TCF20: variants seen among roughly 807,000 people sequenced by gnomAD.
TCF20 encodes SPRE-binding protein.
In TCF20, 3 loss-of-function variants were observed where a neutral mutation model predicts 148.6. The observed-to-expected ratio is 0.02, with a 90% CI of 0.01 to 0.05. The LOEUF (loss-of-function observed/expected upper bound fraction) is 0.05. Among genes scored for constraint, TCF20 ranks in the 10% least tolerant of loss-of-function variants. TCF20 has a pLI of 1.00. For missense variants in TCF20, 2,350 were observed against 2,429.3 expected, an observed-to-expected ratio of 0.97 and a Z score of 0.69; for synonymous variants, 1,049 against 909.5, an observed-to-expected ratio of 1.15 and a Z score of -2.76.
intron 2 of TCF20, among the ~76,000 whole-genome samples, chr22:42,184,842 G>A (rs1368001002): frequency 6.6e-6 from 1 of 152,176 alleles, no homozygotes; most frequent in Non-Finnish European, 1.5e-5. Flanking sequence ...CTAAACTTGG[G>A]AAATAAATTA....
At chr22:42,207,222 G>A (rs1193331923) in intron 2 of TCF20, among the ~76,000 whole-genome samples, 10 of 152,004 alleles carry the variant, frequency 6.6e-5, no homozygotes, top group Non-Finnish European at 1.2e-4. Flanking sequence ...GTCAAAGTCC[G>A]CGCACTGAAT....
At chr22:42,163,254 C>T (rs1161776044) in intron 5 of TCF20, among the ~76,000 whole-genome samples, 2 of 152,210 alleles carry the variant, frequency 1.3e-5, no homozygotes, top group East Asian at 3.9e-4. Context: ...CCAGTTGGCT[C>T]TGCGAGCTGC....
intron 5 of TCF20, among the ~76,000 whole-genome samples, chr22:42,164,102 C>A (rs560689347): frequency 6.6e-6 from 1 of 152,050 alleles, no homozygotes; most frequent in Non-Finnish European, 1.5e-5. Flanking sequence ...CTAATTCCGA[C>A]TAGAGAGGGA....
intron 1 of TCF20, among the ~76,000 whole-genome samples, chr22:42,247,566 T>C (rs1018048344): frequency 1.3e-5 from 2 of 151,746 alleles, no homozygotes; most frequent in Non-Finnish European, 2.9e-5. Context: ...CCAGGAGATG[T>C]GGTTAGAGAG....
At chr22:42,343,027 A>T (rs910135277) in intron 1 of TCF20, among the ~76,000 whole-genome samples, 2 of 152,216 alleles carry the variant, frequency 1.3e-5, no homozygotes, top group African/African-American at 4.8e-5. Flanking sequence ...AAGCGCTTAC[A>T]GTGGCTGCAT....
At position 42,164,157 on chromosome 22, in the gene TCF20, C is replaced by T. The variant is rs58926377; in HGVS notation, c.*45-2799G>A. ...ATTCTGAATCTATACTGATTAAGGG[C>T]ACCGATGGTCAGGGTCCAAGAGCCC... is the stretch of plus-strand genomic sequence containing the variant. On this transcript the variant is annotated intron_variant, in intron 5 of 5. Transcript: ENST00000677622. Among the ~76,000 whole-genome samples, 1,017 of 151,862 alleles carry T rather than the reference C, an allele frequency of 6.7e-3. 17 individuals are homozygous for T. Among genetic ancestry groups the T allele is most frequent in the African/African-American group, 0.024 (976 of 41,392 alleles).
intron 1 of TCF20, among the ~76,000 whole-genome samples, chr22:42,219,895 A>T (rs527623950): frequency 6.6e-6 from 1 of 152,140 alleles, no homozygotes; most frequent in East Asian, 1.9e-4. Flanking sequence ...TGTACTTCCC[A>T]TCCATAATGA....
At position 42,310,740 on chromosome 22, in the gene TCF20, T is replaced by C. The variant is rs529698734; in HGVS notation, c.-37+32739A>G. Reference sequence around the variant, plus strand: ...GCAATGGGTGGCCAGGCCAGGAGCCTGAGTCTGGAAAGTTGCAAATTCCTG... The same window carrying C: ...GCAATGGGTGGCCAGGCCAGGAGCCCGAGTCTGGAAAGTTGCAAATTCCTG... On this transcript the variant is annotated intron_variant, in intron 1 of 1. Transcript: ENST00000515426. 4.6e-5 allele frequency among the ~76,000 whole-genome samples: 7 copies of C among 152,242 alleles called. No individual in the cohort carries two copies. The East Asian group carries it at 1.2e-3, about 25-fold the overall frequency.
At position 42,212,963 on chromosome 22, in the gene TCF20, G is replaced by A; in HGVS notation, c.2343C>T (p.Ser781=). 6.2e-7 allele frequency: 1 copy of A among 1,614,120 alleles called. No individual in the cohort carries two copies. The highest frequency in any genetic ancestry group is 1.1e-5 in the South Asian group (1 of 91,074). ...STQEHQGMAG[S]LEGTTRPNVL... ...CATTGGGCCTTGTGGTTCCTTCTAGGCTACCAGCCATCCCCTGATGCTCTT... is the reference window on the plus strand; with the variant it reads ...CATTGGGCCTTGTGGTTCCTTCTAGACTACCAGCCATCCCCTGATGCTCTT... The change falls in exon 2 of 6, where the codon AGC becomes AGT. Residue 781 remains serine, a synonymous_variant. Transcript: ENST00000677622.
intron 1 of TCF20, among the ~76,000 whole-genome samples, chr22:42,291,774 G>A (rs1472971776): frequency 6.6e-6 from 1 of 152,020 alleles, no homozygotes; most frequent in Non-Finnish European, 1.5e-5. Flanking sequence ...AAGATGCCTA[G>A]GAGGGGCCTC....
At chr22:42,332,799 C>T (rs1309040019) in intron 1 of TCF20, among the ~76,000 whole-genome samples, 4 of 152,200 alleles carry the variant, frequency 2.6e-5, no homozygotes, top group Non-Finnish European at 5.9e-5. Context: ...ACTGCATGGG[C>T]AAACACGATG....
intron 1 of TCF20, among the ~76,000 whole-genome samples, chr22:42,319,713 T>G (rs751456418): frequency 4.6e-5 from 7 of 152,070 alleles, no homozygotes; most frequent in Non-Finnish European, 8.8e-5. Context: ...AATGAACAAC[T>G]AAACAAAGTG....
chr22:42,205,080 A>ATT (rs1173065535), intron 2 of TCF20, among the ~76,000 whole-genome samples: 3 of 152,212 alleles, frequency 2.0e-5, no homozygotes, highest in Admixed American at 6.5e-5. Context: ...ACGCCTTGGC[A>ATT]TTCCTTAATG....
At chr22:42,337,725 G>C (rs902562310) in intron 1 of TCF20, among the ~76,000 whole-genome samples, 46 of 152,228 alleles carry the variant, frequency 3.0e-4, no homozygotes, top group Non-Finnish European at 6.8e-4. Flanking sequence ...AAATATTCCA[G>C]GGGTAGTTTC....
At chr22:42,273,635 T>TAA (rs56275745), upstream of TCF20, among the ~76,000 whole-genome samples, 141 of 144,600 alleles carry the variant, frequency 9.8e-4, no homozygotes, top group East Asian at 8.0e-4. Context: ...GAAAGAACAG[T>TAA]AAAAAAAAAA....
intron 2 of TCF20, among the ~76,000 whole-genome samples, chr22:42,202,010 G>A (rs1254830972): frequency 6.6e-6 from 1 of 152,080 alleles, no homozygotes; most frequent in Non-Finnish European, 1.5e-5. Flanking sequence ...TACTGCACCT[G>A]AAATACCTCA....
rs1016782100 is a variant in TCF20, at chr22:42,290,711, G to C, written c.-37+52768C>G. Among the ~76,000 whole-genome samples the C allele has an allele frequency of 2.6e-5, 4 of 152,206 alleles. No homozygotes were observed. Among genetic ancestry groups the C allele is most frequent in the Admixed American group, 6.5e-5 (1 of 15,288 alleles). On this transcript the variant is annotated intron_variant, in intron 1 of 1. Transcript: ENST00000515426. The surrounding 1 kb of genome is among the most constrained non-coding windows in gnomAD (Gnocchi z 4.2). Reference sequence around the variant, plus strand: ...GCCTGCCCCTTCAGCGTTGGTCGCTGGGCTAACACTAGGCCTGGGGATGAG... The same window carrying C: ...GCCTGCCCCTTCAGCGTTGGTCGCTCGGCTAACACTAGGCCTGGGGATGAG...
At chr22:42,216,386 T>A (rs1407521877) in intron 1 of TCF20, among the ~76,000 whole-genome samples, 1 of 152,040 alleles carries the variant, frequency 6.6e-6, no homozygotes, top group African/African-American at 2.4e-5. Flanking sequence ...AAGTGCAAAT[T>A]TTTGCAGCTT....
chr22:42,236,253 A>C (rs1012702159), intron 1 of TCF20, among the ~76,000 whole-genome samples: 2 of 152,196 alleles, frequency 1.3e-5, no homozygotes, highest in East Asian at 3.8e-4. Context: ...GTTATCAAAC[A>C]AACAAAATAA....
Sources: gnomAD v4.1 joint callset for allele counts (sites outside exome capture counted in the v4.1 genomes callset) on GRCh38, gnomAD v4.1.1 for gene constraint, Gnocchi (gnomAD v3.1) non-coding constraint, MANE v1.5 for transcripts, NCBI Gene and HGNC (gene_info 2026-07-23, HGNC 2026-07-21) for gene names.